The following CAPN3 variants were observed in gnomAD, a reference collection of about 807,000 sequenced individuals.
CAPN3 encodes calpain-3.
Under a neutral mutation model 114.0 loss-of-function variants are expected in CAPN3, and 88 were observed. The observed-to-expected ratio is 0.77, with a 90% CI of 0.65 to 0.92. CAPN3 has a LOEUF of 0.92. Among genes scored for constraint, CAPN3 ranks in the 40% least tolerant of loss-of-function variants. The pLI, the probability that CAPN3 is intolerant of heterozygous loss-of-function variation, is 0.00. For missense variants in CAPN3, 1,028 were observed against 1,069.0 expected (o/e 0.96, Z 0.53); for synonymous variants, 386 against 382.9 (o/e 1.01, Z -0.09).
At chr15:42,409,057 GGGA>G (rs2054117871) in intron 16 of CAPN3, 1 of 551,712 alleles carries the variant, frequency 1.8e-6, no homozygotes, top group Admixed American at 3.0e-5. Context: ...TGGGGTGGCG[GGGA>G]GGAGGCTGTA....
intron 1 of CAPN3, among the ~76,000 whole-genome samples, chr15:42,372,803 G>A (rs977575047): frequency 9.5e-5 from 14 of 146,644 alleles, no homozygotes; most frequent in Middle Eastern, 8.6e-3. Context: ...AGCCGAGATC[G>A]TGCCACTGCA....
intron 16 of CAPN3, 75 bp from the exon 17 acceptor site, chr15:42,409,228 G>C (rs2054124546): frequency 3.5e-6 from 5 of 1,419,916 alleles, no homozygotes; most frequent in Admixed American, 3.5e-5. Context: ...TGGCTCCCTT[G>C]GCCCAGAGGA....
At chr15:42,408,720 G>T (rs868625723) in intron 16 of CAPN3, 4 of 357,714 alleles carry the variant, frequency 1.1e-5, no homozygotes, top group Middle Eastern at 1.0e-3. Context: ...CTTCAGAAAT[G>T]GGGTCCTCTA....
intron 1 of CAPN3, among the ~76,000 whole-genome samples, chr15:42,366,375 A>G (rs562745900): frequency 2.6e-4 from 39 of 152,222 alleles, no homozygotes; most frequent in African/African-American, 9.2e-4. Flanking sequence ...CCCCTTCCCA[A>G]GGTCCTCATC....
Position 42,399,999 on chromosome 15 carries a change from G to T in CAPN3, c.1354+347G>T, listed in dbSNP as rs146226841. On this transcript the variant is annotated intron_variant, in intron 10 of 23. Transcript: ENST00000397163. The stretch of plus-strand genomic sequence containing the variant: ...AGCCTGGCCTACCTTAAACATGCTC[G>T]GAACACTGACCTTAGCCTAAAGTTG... 3.5e-3 allele frequency among the ~76,000 whole-genome samples: 540 copies of T among 152,230 alleles called. 3 individuals are homozygous for T. The highest frequency in any genetic ancestry group is 0.013 in the African/African-American group (519 of 41,514).
At chr15:42,390,893 T>A (rs1307712668) in intron 6 of CAPN3, among the ~76,000 whole-genome samples, 1 of 149,228 alleles carries the variant, frequency 6.7e-6, no homozygotes, top group Non-Finnish European at 1.5e-5. Context: ...AAAGTTAAAC[T>A]AATTCTCCTG....
chr15:42,393,273 T>C (rs1301215358), intron 7 of CAPN3, among the ~76,000 whole-genome samples: 1 of 152,274 alleles, frequency 6.6e-6, no homozygotes, highest in Non-Finnish European at 1.5e-5. Context: ...CATTGGGTTT[T>C]TTTGGTATTA....
intron 1 of CAPN3, among the ~76,000 whole-genome samples, chr15:42,361,261 T>G (rs1377363937): frequency 6.6e-6 from 1 of 151,972 alleles, no homozygotes; most frequent in Non-Finnish European, 1.5e-5. Context: ...AGCCCAAGAG[T>G]TAGAGACCAG....
intron 16 of CAPN3, chr15:42,408,902 G>T: frequency 3.2e-6 from 1 of 309,210 alleles, no homozygotes; most frequent in Admixed American, 4.6e-5. Flanking sequence ...ATGCAGTGGG[G>T]CCTAGGGGAG....
At chr15:42,392,822 T>C in intron 7 of CAPN3, 100 bp downstream of exon 7, 1 of 857,778 alleles carries the variant, frequency 1.2e-6, no homozygotes. Context: ...CTGCAGAGCT[T>C]GCCTCCAATC....
chr15:42,379,392 A>G (rs1218238677), intron 1 of CAPN3, among the ~76,000 whole-genome samples: 4 of 152,170 alleles, frequency 2.6e-5, no homozygotes, highest in Admixed American at 1.3e-4. Flanking sequence ...GAATTTGAGA[A>G]AATGGTTTGT....
chr15:42,378,930 A>G (rs2053164821), intron 1 of CAPN3, among the ~76,000 whole-genome samples: 1 of 152,110 alleles, frequency 6.6e-6, no homozygotes, highest in African/African-American at 2.4e-5. Flanking sequence ...TTGGTTTCCA[A>G]ATAATTTGGG....
In CAPN3 at chr15:42,390,103, A is replaced by G; in HGVS notation, c.945+7A>G. 1 of 1,614,032 alleles carries G rather than the reference A, an allele frequency of 6.2e-7. No homozygotes were observed. Among genetic ancestry groups the G allele is most frequent in the Non-Finnish European group, 8.5e-7 (1 of 1,179,978 alleles). On this transcript the variant is annotated splice_region_variant and intron_variant, in intron 6 of 23. Coordinates refer to ENST00000397163, the MANE Select transcript of CAPN3 (RefSeq NM_000070.3). ...AGATGAAAGACCGACCCGGGTGTGTACACCTCCGATTATCAGAACTGACCA... is the reference window on the plus strand; with the variant it reads ...AGATGAAAGACCGACCCGGGTGTGTGCACCTCCGATTATCAGAACTGACCA...
chr15:42,361,757 G>GC (rs1566966680), intron 1 of CAPN3, among the ~76,000 whole-genome samples: 1 of 152,084 alleles, frequency 6.6e-6, no homozygotes, highest in Non-Finnish European at 1.5e-5. Context: ...ACCTGTCCAG[G>GC]CCCATGTCCA....
At chr15:42,407,272 C>T (rs762373989) in intron 15 of CAPN3, among the ~76,000 whole-genome samples, 2 of 152,162 alleles carry the variant, frequency 1.3e-5, no homozygotes, top group Admixed American at 6.5e-5. Context: ...CACAAGAGCC[C>T]TATGAGGAGG....
chr15:42,390,165 A>C, intron 6 of CAPN3, 69 bp downstream of exon 6: 2 of 1,571,080 alleles, frequency 1.3e-6, no homozygotes, highest in Non-Finnish European at 1.8e-6. Flanking sequence ...TATTAGTGTC[A>C]GACTCCCCTC....
chr15:42,360,250 T>A, intron 1 of CAPN3, 136 bp downstream of exon 1: 2 of 956,716 alleles, frequency 2.1e-6, no homozygotes, highest in Non-Finnish European at 3.3e-6. Context: ...GCTCTGTCTT[T>A]AAGTGTGAAG....
rs765507958 is a variant in CAPN3 at position 42,410,915 on chromosome 15, C to T, written c.2295C>T (p.Ile765=). 1.1e-5 allele frequency: 17 copies of T among 1,614,068 alleles called. No individual in the cohort carries two copies. Among genetic ancestry groups the T allele is most frequent in the Non-Finnish European group, 1.4e-5 (16 of 1,179,994 alleles). Residue 765 remains isoleucine, a synonymous_variant, in exon 22 of 24, where the codon ATC becomes ATT. Coordinates refer to ENST00000397163, the MANE Select transcript of CAPN3 (RefSeq NM_000070.3). ...GFHLNNQLYD[I]ITMRYADKHM... is the part of the protein sequence containing the mutation. ...ACCTCAACAACCAGCTCTATGACAT[C>T]ATTACCATGCGGTACGCAGACAAAC...
chr15:42,398,685 GTA>G (rs768206775), intron 9 of CAPN3, among the ~76,000 whole-genome samples: 21 of 125,406 alleles, frequency 1.7e-4, no homozygotes, highest in East Asian at 1.3e-3. Flanking sequence ...ACACACGTCT[GTA>G]TATATATGTG....
Sources: allele counts gnomAD v4.1 joint callset (sites outside exome capture counted in the v4.1 genomes callset), GRCh38; gene constraint gnomAD v4.1.1; transcripts MANE v1.5; gene names NCBI Gene and HGNC (gene_info 2026-07-23, HGNC 2026-07-21).